SLC9A7: variants seen among roughly 807,000 people sequenced by gnomAD.
SLC9A7 encodes the protein solute carrier family 9 member A7.
Under a neutral mutation model 52.6 loss-of-function variants are expected in SLC9A7, and 19 were observed. That is an observed-to-expected ratio of 0.36 (90% CI 0.25 to 0.53). The LOEUF (loss-of-function observed/expected upper bound fraction) is 0.53, where lower values mean the gene tolerates loss of function less well. Ranked by LOEUF, SLC9A7 falls within the 20% of genes least tolerant of loss-of-function variation. SLC9A7 has a pLI of 0.91. For missense variants in SLC9A7, 455 were observed against 597.9 expected (o/e 0.76, Z 2.49); for synonymous variants, 226 against 252.1 (o/e 0.90, Z 0.98).
At chrX:46,633,162 G>A (rs1943249147) in intron 13 of SLC9A7, among the ~76,000 whole-genome samples, 1 of 106,759 alleles carries the variant, frequency 9.4e-6, no homozygotes, top group Admixed American at 1.0e-4. Flanking sequence ...AGTATGAAAT[G>A]CAGCCCAAAC....
At chrX:46,738,376 G>T (rs746834404) in intron 1 of SLC9A7, among the ~76,000 whole-genome samples, 4 of 112,306 alleles carry the variant, frequency 3.6e-5, no homozygotes, top group Admixed American at 9.4e-5. Context: ...TTAATTACAG[G>T]ACTCCTGTGG....
At chrX:46,646,917 T>G (rs1311045201) in intron 11 of SLC9A7, 1 of 315,511 alleles carries the variant, frequency 3.2e-6, no homozygotes, top group African/African-American at 2.7e-5. Flanking sequence ...CAGTGAGGGG[T>G]ACATACCTGC....
chrX:46,735,509 T>A (rs1273261592), intron 1 of SLC9A7, among the ~76,000 whole-genome samples: 2 of 112,268 alleles, frequency 1.8e-5, no homozygotes, highest in Non-Finnish European at 3.8e-5. Flanking sequence ...TTTTTAAAAA[T>A]CACTTATTTT....
chrX:46,660,025 T>A (rs1214107093), intron 7 of SLC9A7, among the ~76,000 whole-genome samples: 1 of 109,517 alleles, frequency 9.1e-6, no homozygotes, highest in Non-Finnish European at 1.9e-5. Context: ...AACAGAGATA[T>A]AGATCAATGG....
chrX:46,697,096 C>T (rs1361462801), intron 1 of SLC9A7, among the ~76,000 whole-genome samples: 2 of 111,625 alleles, frequency 1.8e-5, no homozygotes, highest in Admixed American at 1.9e-4. Context: ...ATGATGACTA[C>T]CAGGTTCCTA....
chrX:46,666,516 CAGTTAA>C (rs1943924387), intron 5 of SLC9A7, among the ~76,000 whole-genome samples: 2 of 112,244 alleles, frequency 1.8e-5, no homozygotes, highest in Non-Finnish European at 1.9e-5. Flanking sequence ...ATTTAAAAAG[CAGTTAA>C]AGTTAATGTC....
intron 3 of SLC9A7, among the ~76,000 whole-genome samples, chrX:46,673,355 A>ACACACACAC (rs1569515267): frequency 9.7e-5 from 10 of 102,608 alleles, no homozygotes; most frequent in African/African-American, 3.6e-4. Context: ...TAAAAATATA[A>ACACACACAC]ACACACACAC....
intron 1 of SLC9A7, among the ~76,000 whole-genome samples, chrX:46,701,669 G>C (rs1298119557): frequency 9.0e-6 from 1 of 111,622 alleles, no homozygotes; most frequent in African/African-American, 3.3e-5. Context: ...GTACACCTCA[G>C]GGGCAAAGTA....
At chrX:46,696,172 G>C (rs764099713) in intron 1 of SLC9A7, among the ~76,000 whole-genome samples, 97 of 110,090 alleles carry the variant, frequency 8.8e-4, no homozygotes, top group African/African-American at 3.0e-3. Context: ...TTTTAGTAGA[G>C]ACAGGGTTTC....
At chrX:46,662,755 G>GATA (rs1162086180) in intron 5 of SLC9A7, 112 bp from the exon 6 acceptor site, 23 of 499,559 alleles carry the variant, frequency 4.6e-5, no homozygotes, top group Non-Finnish European at 1.7e-5. Flanking sequence ...TGATTCAAGA[G>GATA]ATAGCAAGGG....
At chrX:46,735,743 T>C (rs2146987966) in intron 1 of SLC9A7, among the ~76,000 whole-genome samples, 1 of 111,700 alleles carries the variant, frequency 9.0e-6, no homozygotes, top group South Asian at 3.7e-4. Context: ...ACATTTTCAC[T>C]GGATATAGAA....
At chrX:46,668,060 TCA>T (rs1414720789) in intron 5 of SLC9A7, among the ~76,000 whole-genome samples, 1 of 112,034 alleles carries the variant, frequency 8.9e-6, no homozygotes, top group African/African-American at 3.2e-5. Flanking sequence ...TAAATTACAT[TCA>T]CTACAGATAA....
At chrX:46,653,746 G>C in intron 7 of SLC9A7, 32 bp from the exon 8 acceptor site, 2 of 1,094,400 alleles carry the variant, frequency 1.8e-6, no homozygotes, top group Non-Finnish European at 2.5e-6. Flanking sequence ...CTGTCTCCAG[G>C]TACATGTATC....
chrX:46,617,876 A>G (rs1261983006), intron 15 of SLC9A7, among the ~76,000 whole-genome samples: 1 of 111,975 alleles, frequency 8.9e-6, no homozygotes, highest in Non-Finnish European at 1.9e-5. Flanking sequence ...TGCATTCTGG[A>G]TTCTAATAGT....
chrX:46,637,606 CGT>C (rs1943343006), intron 12 of SLC9A7, among the ~76,000 whole-genome samples: 1 of 111,630 alleles, frequency 9.0e-6, no homozygotes, highest in Non-Finnish European at 1.9e-5. Context: ...TCCACCATTT[CGT>C]GTGTGTTACT....
At chrX:46,735,325 G>A (rs545717170) in intron 1 of SLC9A7, among the ~76,000 whole-genome samples, 1 of 109,846 alleles carries the variant, frequency 9.1e-6, no homozygotes, top group East Asian at 2.8e-4. Context: ...GTTATCCTAG[G>A]GTTTACAATG....
chrX:46,725,569 G>T, intron 1 of SLC9A7: 4 of 975,842 alleles, frequency 4.1e-6, no homozygotes, highest in Non-Finnish European at 5.9e-6. Context: ...AATGACTATT[G>T]GGCAAGATTG....
intron 3 of SLC9A7, among the ~76,000 whole-genome samples, chrX:46,677,074 A>G: frequency 8.9e-6 from 1 of 111,871 alleles, no homozygotes; most frequent in East Asian, 2.8e-4. Context: ...TATTATGCAG[A>G]CAGAACTTAT....
intron 1 of SLC9A7, among the ~76,000 whole-genome samples, chrX:46,707,633 T>A (rs1262262046): frequency 8.9e-6 from 1 of 112,445 alleles, no homozygotes; most frequent in African/African-American, 3.2e-5. Context: ...TGCAATAAAC[T>A]GGCCTTCTCC....
Sources: allele counts gnomAD v4.1 joint callset (sites outside exome capture counted in the v4.1 genomes callset), GRCh38; gene constraint gnomAD v4.1.1; transcripts MANE v1.5; gene names NCBI Gene and HGNC (gene_info 2026-07-23, HGNC 2026-07-21).